RHBDL2: variants seen among roughly 807,000 people sequenced by gnomAD.
The protein encoded by RHBDL2 is rhomboid-related protein 2.
Under a neutral mutation model 31.7 loss-of-function variants are expected in RHBDL2, and 26 were observed. The ratio of observed to expected loss-of-function variants is 0.82; its 90% CI spans 0.60 to 1.14. RHBDL2 has a LOEUF of 1.14. Among genes scored for constraint, RHBDL2 ranks in the 50% most tolerant of loss-of-function variants. The pLI is 0.00. For synonymous variants in RHBDL2, 123 were observed against 127.2 expected (o/e 0.97, Z 0.22); for missense variants, 336 against 364.4 (o/e 0.92, Z 0.63).
At chr1:38,910,199 G>A (rs1301097029) in intron 4 of RHBDL2, among the ~76,000 whole-genome samples, 1 of 152,180 alleles carries the variant, frequency 6.6e-6, no homozygotes, top group Non-Finnish European at 1.5e-5. Context: ...GTAAAGGAGG[G>A]TGGGACAGAA....
chr1:38,937,070 C>G (rs1018521311), intron 1 of RHBDL2, among the ~76,000 whole-genome samples: 5 of 152,046 alleles, frequency 3.3e-5, no homozygotes, highest in African/African-American at 1.2e-4. Context: ...GCCTCAGCCT[C>G]CCAAGTAGCT....
intron 2 of RHBDL2, among the ~76,000 whole-genome samples, chr1:38,917,447 C>A (rs1234865508): frequency 6.6e-6 from 1 of 152,124 alleles, no homozygotes; most frequent in East Asian, 1.9e-4. Context: ...CATGAGCCTC[C>A]TATGGCAAAC....
At chr1:38,907,073 T>A (rs942367141) in intron 4 of RHBDL2, among the ~76,000 whole-genome samples, 18 of 152,150 alleles carry the variant, frequency 1.2e-4, no homozygotes, top group African/African-American at 4.1e-4. Flanking sequence ...ATTGATAGAA[T>A]AAAAAGAACC....
Position 38,886,413 on chromosome 1 carries a change from T to G in RHBDL2, c.*91A>C, listed in dbSNP as rs1181411474. 2 of 1,036,646 alleles carry G rather than the reference T, an allele frequency of 1.9e-6. No homozygotes were observed. The highest frequency in any genetic ancestry group is 2.7e-6 in the Non-Finnish European group (2 of 743,352). The allele number at this position is 1,036,646 out of a possible 1,614,324, so 64.2% of individuals were successfully genotyped here. A position where few individuals can be genotyped will look rare whatever the true frequency, so the allele number is the denominator to read the frequency against. ...TCTATATAAAATTGTTAGCCTTTTC[T>G]GAGACTTCTCTGTTTCTTCATAGAG... On this transcript the variant is annotated 3_prime_UTR_variant, in exon 8 of 8. Coordinates refer to ENST00000372990, the MANE Select transcript of RHBDL2 (RefSeq NM_017821.5).
At chr1:38,926,943 A>G (rs1453215655) in intron 1 of RHBDL2, 2 of 152,422 alleles carry the variant, frequency 1.3e-5, no homozygotes, top group African/African-American at 4.8e-5. Flanking sequence ...CTACACAAAG[A>G]TGACACGCAA....
intron 4 of RHBDL2, among the ~76,000 whole-genome samples, chr1:38,901,710 C>A (rs989618121): frequency 2.6e-5 from 4 of 151,398 alleles, no homozygotes; most frequent in African/African-American, 7.2e-5. Flanking sequence ...GTGGCACATG[C>A]CTGTAGTCCC....
intron 1 of RHBDL2, among the ~76,000 whole-genome samples, chr1:38,931,710 G>A (rs1473561523): frequency 1.3e-5 from 2 of 150,848 alleles, no homozygotes; most frequent in Non-Finnish European, 3.0e-5. Context: ...AAAAAAAAAA[G>A]AAAGAAAGAA....
At chr1:38,908,299 G>A (rs1339645932) in intron 4 of RHBDL2, among the ~76,000 whole-genome samples, 1 of 151,952 alleles carries the variant, frequency 6.6e-6, no homozygotes, top group Non-Finnish European at 1.5e-5. Flanking sequence ...GATCATCTGA[G>A]GTTAGGAGTT....
intron 4 of RHBDL2, among the ~76,000 whole-genome samples, chr1:38,904,929 G>A (rs1336023634): frequency 6.7e-6 from 1 of 149,888 alleles, no homozygotes; most frequent in African/African-American, 2.4e-5. Context: ...TACTCGGGAG[G>A]CTGAGGCAGG....
intron 1 of RHBDL2, among the ~76,000 whole-genome samples, chr1:38,936,107 T>C (rs1643505874): frequency 6.6e-6 from 1 of 152,090 alleles, no homozygotes; most frequent in Admixed American, 6.5e-5. Flanking sequence ...CTTGTCACAT[T>C]ACCCAGGCTG....
chr1:38,915,469 A>G, intron 3 of RHBDL2, 93 bp downstream of exon 3: 1 of 1,290,904 alleles, frequency 7.7e-7, no homozygotes, highest in Non-Finnish European at 1.1e-6. Flanking sequence ...TGGACATGAA[A>G]GTGCCTTATC....
intron 1 of RHBDL2, among the ~76,000 whole-genome samples, chr1:38,930,324 T>A (rs1643426712): frequency 6.6e-6 from 1 of 152,160 alleles, no homozygotes. Flanking sequence ...CTCTTTATTA[T>A]TCCCATTTTA....
chr1:38,935,367 G>A (rs1019365041), intron 1 of RHBDL2, among the ~76,000 whole-genome samples: 2 of 152,090 alleles, frequency 1.3e-5, no homozygotes, highest in Non-Finnish European at 2.9e-5. Flanking sequence ...GTTTAATATA[G>A]CATAATGGCT....
chr1:38,926,862 T>C (rs1311686826), intron 1 of RHBDL2: 1 of 152,252 alleles, frequency 6.6e-6, no homozygotes, highest in Non-Finnish European at 1.5e-5. Context: ...AATAAAAGAA[T>C]GCTTGTGGTG....
intron 4 of RHBDL2, among the ~76,000 whole-genome samples, chr1:38,902,749 A>T (rs1643012084): frequency 6.6e-6 from 1 of 151,478 alleles, no homozygotes; most frequent in South Asian, 2.1e-4. Flanking sequence ...GATGGGGTTT[A>T]ACCATGTTGC....
chr1:38,928,133 TTTTC>T (rs971026353), intron 1 of RHBDL2, among the ~76,000 whole-genome samples: 4 of 150,334 alleles, frequency 2.7e-5, no homozygotes, highest in Non-Finnish European at 5.9e-5. Flanking sequence ...ATGTAAATTT[TTTTC>T]TTTCTTTTTT....
intron 1 of RHBDL2, among the ~76,000 whole-genome samples, chr1:38,930,844 T>C (rs1247837321): frequency 6.6e-6 from 1 of 152,222 alleles, no homozygotes; most frequent in Non-Finnish European, 1.5e-5. Context: ...GTGTAGAATT[T>C]TTTTTTCAAT....
chr1:38,886,397 A>T lies in RHBDL2; in HGVS notation c.*107T>A, dbSNP rs538036384. ...TAATGCTGTTTTGTCCTCTATATAA[A>T]ATTGTTAGCCTTTTCTGAGACTTCT... On this transcript the variant is annotated 3_prime_UTR_variant, in exon 8 of 8. Transcript: ENST00000372990. 6.0e-5 allele frequency: 50 copies of T among 829,462 alleles called. No homozygotes were observed. The highest frequency in any genetic ancestry group is 8.1e-5 in the Non-Finnish European group (46 of 566,272). The allele number at this position is 829,462 out of a possible 1,614,324, so 51.4% of individuals were successfully genotyped here. A position where few individuals can be genotyped will look rare whatever the true frequency, so the allele number is the denominator to read the frequency against.
intron 3 of RHBDL2, among the ~76,000 whole-genome samples, chr1:38,912,837 A>C (rs1643167407): frequency 1.3e-5 from 2 of 149,830 alleles, no homozygotes; most frequent in Admixed American, 6.7e-5. Flanking sequence ...TCCATTTTAC[A>C]CCTGAGGAAA....
Sources: gnomAD v4.1 joint callset for allele counts (sites outside exome capture counted in the v4.1 genomes callset) on GRCh38, gnomAD v4.1.1 for gene constraint, MANE v1.5 for transcripts, NCBI Gene and HGNC (gene_info 2026-07-23, HGNC 2026-07-21) for gene names.